CAMTA1: variants seen among roughly 807,000 people sequenced by gnomAD.
The protein encoded by CAMTA1 is calmodulin-binding transcription activator 1.
Under a neutral mutation model 170.9 loss-of-function variants are expected in CAMTA1, and 27 were observed. That is an observed-to-expected ratio of 0.16 (90% CI 0.12 to 0.22). The LOEUF (loss-of-function observed/expected upper bound fraction) is 0.22, where lower values mean the gene tolerates loss of function less well. Ranked by LOEUF, CAMTA1 falls within the 10% of genes least tolerant of loss-of-function variation. The pLI is 1.00. For missense variants in CAMTA1, 1,619 were observed against 2,217.2 expected (o/e 0.73, Z 5.42); for synonymous variants, 833 against 891.5 (o/e 0.93, Z 1.17).
intron 6 of CAMTA1, among the ~76,000 whole-genome samples, chr1:7,612,489 G>A (rs1214257998): frequency 6.6e-6 from 1 of 152,188 alleles, no homozygotes; most frequent in Non-Finnish European, 1.5e-5. Flanking sequence ...GGAGGGCACG[G>A]TGGGCTAAAA....
intron 6 of CAMTA1, among the ~76,000 whole-genome samples, chr1:7,475,559 C>T (rs2093407233): frequency 6.6e-6 from 1 of 152,230 alleles, no homozygotes; most frequent in South Asian, 2.1e-4. Context: ...GTGTTATAAG[C>T]ACCCTGTGTT....
At chr1:6,818,005 A>G (rs879670270) in intron 1 of CAMTA1, among the ~76,000 whole-genome samples, 25 of 152,208 alleles carry the variant, frequency 1.6e-4, no homozygotes, top group Non-Finnish European at 2.5e-4. Flanking sequence ...AAAATTAATA[A>G]TTCTTGGAAG....
chr1:7,552,417 A>C (rs1364653894), intron 6 of CAMTA1, among the ~76,000 whole-genome samples: 2 of 152,314 alleles, frequency 1.3e-5, no homozygotes, highest in South Asian at 4.1e-4. Context: ...AGTTGTGTTC[A>C]CTGGGAACAG....
chr1:7,499,148 G>A (rs1157542488), intron 6 of CAMTA1, among the ~76,000 whole-genome samples: 3 of 116,548 alleles, frequency 2.6e-5, no homozygotes, highest in Non-Finnish European at 5.3e-5. Flanking sequence ...GCGTGTGTAC[G>A]TATATGAGTG....
chr1:7,086,134 C>T (rs1481488071), intron 3 of CAMTA1, among the ~76,000 whole-genome samples: 1 of 152,078 alleles, frequency 6.6e-6, no homozygotes, highest in African/African-American at 2.4e-5. Flanking sequence ...TCTACTTGAA[C>T]GTCCAAAGGA....
At chr1:6,818,371 TAACTC>T (rs1362418758) in intron 1 of CAMTA1, among the ~76,000 whole-genome samples, 1 of 152,076 alleles carries the variant, frequency 6.6e-6, no homozygotes, top group Non-Finnish European at 1.5e-5. Context: ...AACAAATAAA[TAACTC>T]AGGCAATCCT....
intron 16 of CAMTA1, among the ~76,000 whole-genome samples, chr1:7,741,768 C>T (rs921705622): frequency 2.0e-5 from 3 of 151,290 alleles, no homozygotes; most frequent in Non-Finnish European, 4.4e-5. Context: ...GTTGGCAGGT[C>T]CCTGTAATCC....
At chr1:6,841,685 G>T (rs1328436613) in intron 3 of CAMTA1, among the ~76,000 whole-genome samples, 1 of 152,172 alleles carries the variant, frequency 6.6e-6, no homozygotes, top group African/African-American at 2.4e-5. Context: ...AGAGGTTCAG[G>T]GACGACTGCT....
intron 3 of CAMTA1, among the ~76,000 whole-genome samples, chr1:6,981,249 CA>C (rs1178468481): frequency 6.6e-6 from 1 of 151,994 alleles, no homozygotes; most frequent in Non-Finnish European, 1.5e-5. Flanking sequence ...TCAGAATTTC[CA>C]ATAAAGGATG....
intron 3 of CAMTA1, among the ~76,000 whole-genome samples, chr1:6,831,729 T>C (rs1321734684): frequency 6.6e-6 from 1 of 152,204 alleles, no homozygotes; most frequent in East Asian, 1.9e-4. Context: ...GCAAACAAAA[T>C]AGAATTCTAG....
intron 5 of CAMTA1, chr1:7,389,673 G>T (rs182245608): frequency 3.9e-5 from 6 of 152,532 alleles, no homozygotes; most frequent in Non-Finnish European, 8.8e-5. Context: ...GGGTGTGGGG[G>T]TAGAAAGCCA....
At chr1:7,618,134 G>A (rs903376554) in intron 6 of CAMTA1, among the ~76,000 whole-genome samples, 3 of 152,144 alleles carry the variant, frequency 2.0e-5, no homozygotes, top group African/African-American at 7.2e-5. Context: ...ATTTTGGCTG[G>A]CCTTGATCAC....
At chr1:7,554,329 A>G (rs913577530) in intron 6 of CAMTA1, among the ~76,000 whole-genome samples, 3 of 152,146 alleles carry the variant, frequency 2.0e-5, no homozygotes, top group African/African-American at 7.2e-5. Context: ...ATATCTGTAG[A>G]GACCTAGTAT....
At position 6,934,430 on chromosome 1, in the gene CAMTA1, G is replaced by A. The variant is rs1004313150; in HGVS notation, c.234+109220G>A. On this transcript the variant is annotated intron_variant, in intron 3 of 22. Transcript: ENST00000303635. The surrounding 1 kb of genome is among the most constrained non-coding windows in gnomAD (Gnocchi z 4.5). ...TAGGCATTCATATTTGAGGCTCCAC[G>A]GATGTGGTGAATGGGTGCCCTGGGA... Among the ~76,000 whole-genome samples the A allele has an allele frequency of 2.0e-5, 3 of 152,200 alleles. No homozygotes were observed. Among genetic ancestry groups the A allele is most frequent in the South Asian group, 2.1e-4 (1 of 4,828 alleles).
At chr1:7,604,801 C>G (rs2095472763) in intron 6 of CAMTA1, among the ~76,000 whole-genome samples, 2 of 152,248 alleles carry the variant, frequency 1.3e-5, no homozygotes, top group South Asian at 4.1e-4. Context: ...TTTTACCCAT[C>G]TTTGTGGTTT....
At position 6,969,906 on chromosome 1, in the gene CAMTA1, CACAGCCAG is replaced by C. The variant is rs547543514; in HGVS notation, c.235-121397_235-121390del. On this transcript the variant is annotated intron_variant, in intron 3 of 22. Coordinates refer to ENST00000303635, the MANE Select transcript of CAMTA1 (RefSeq NM_015215.4). ...ATGGCTTCATCTTACCTGACAGTAT[CACAGCCAG>C]GACCCAGATGTCGATACAGTGCACA... Among the ~76,000 whole-genome samples, 29 of 152,294 alleles carry C rather than the reference CACAGCCAG, an allele frequency of 1.9e-4. No homozygotes were observed. In the South Asian group the frequency reaches 6.0e-3, roughly 32 times the overall value.
chr1:7,355,978 G>GC (rs1557579240), intron 5 of CAMTA1, among the ~76,000 whole-genome samples: 1 of 152,230 alleles, frequency 6.6e-6, no homozygotes, highest in East Asian at 1.9e-4. Flanking sequence ...GAAGATCTAG[G>GC]TATGGCATCA....
intron 3 of CAMTA1, among the ~76,000 whole-genome samples, chr1:6,993,153 G>T (rs1449663926): frequency 6.6e-6 from 1 of 152,090 alleles, no homozygotes; most frequent in Non-Finnish European, 1.5e-5. Context: ...CTTGATGTCA[G>T]TTCTCCAACT....
chr1:7,726,546 T>G (rs796879847), intron 11 of CAMTA1, among the ~76,000 whole-genome samples: 24 of 152,274 alleles, frequency 1.6e-4, no homozygotes, highest in African/African-American at 5.3e-4. Flanking sequence ...TTATGTAAAT[T>G]TTTATTTTCT....
Sources: gnomAD v4.1 joint callset for allele counts (sites outside exome capture counted in the v4.1 genomes callset) on GRCh38, gnomAD v4.1.1 for gene constraint, Gnocchi (gnomAD v3.1) non-coding constraint, MANE v1.5 for transcripts, NCBI Gene and HGNC (gene_info 2026-07-23, HGNC 2026-07-21) for gene names.